Variants in SLA observed in about 807,000 individuals in gnomAD.
SLA encodes the protein Src like adaptor, also known as src-like-adapter.
SLA carries 16 observed loss-of-function variants against 30.3 expected under a neutral mutation model. The observed-to-expected ratio is 0.53, with a 90% CI of 0.36 to 0.80. The LOEUF (loss-of-function observed/expected upper bound fraction) is 0.80, where lower values mean the gene tolerates loss of function less well. Among genes scored for constraint, SLA ranks in the 30% least tolerant of loss-of-function variants. The probability of loss-of-function intolerance (pLI) is 0.01; values close to 1 mark genes in which losing one functional copy is unlikely to be tolerated. For missense variants in SLA, 310 were observed against 345.2 expected (o/e 0.90, Z 0.81); for synonymous variants, 143 against 137.8 (o/e 1.04, Z -0.26).
chr8:133,070,538 G>C (rs2702993), intron 2 of SLA, among the ~76,000 whole-genome samples: 1 of 152,046 alleles, frequency 6.6e-6, no homozygotes, highest in East Asian at 1.9e-4. Context: ...GCTCAGGGTC[G>C]TACAGCTAGC....
intron 2 of SLA, among the ~76,000 whole-genome samples, chr8:133,071,439 T>C (rs938032666): frequency 1.3e-5 from 2 of 152,180 alleles, no homozygotes; most frequent in East Asian, 1.9e-4. Flanking sequence ...AGAGCTCTCC[T>C]TTTTTCTGGC....
chr8:133,045,194 T>C, intron 6 of SLA, 79 bp from the exon 7 acceptor site: 1 of 1,525,994 alleles, frequency 6.6e-7, no homozygotes, highest in African/African-American at 1.4e-5. Flanking sequence ...CCACCACCAC[T>C]GAGGCAGGGA....
intron 3 of SLA, among the ~76,000 whole-genome samples, chr8:133,057,157 G>T (rs1841585631): frequency 1.3e-5 from 2 of 151,302 alleles, no homozygotes; most frequent in African/African-American, 4.9e-5. Flanking sequence ...GACAGAAAGG[G>T]GTCTGTGCTG....
intron 5 of SLA, 89 bp downstream of exon 5, chr8:133,049,813 C>A (rs1308539449): frequency 5.2e-5 from 48 of 920,552 alleles, no homozygotes; most frequent in Non-Finnish European, 7.4e-5. Context: ...CCTTCCTTAC[C>A]ACTATGAATG....
At position 133,066,239 on chromosome 8, in the gene SLA, C is replaced by T. The variant is rs376384497; in HGVS notation, c.-40-6039G>A. Among the ~76,000 whole-genome samples the T allele has an allele frequency of 5.8e-4, 85 of 147,198 alleles. No individual in the cohort carries two copies. The East Asian group carries it at 0.014, about 24-fold the overall frequency. ...TACTTGGGAGGCTGAGGCAAGAGAA[C>T]GGCGTGAACCCAGAAGGCAGAGCTT... is the stretch of plus-strand genomic sequence containing the variant. On this transcript the variant is annotated intron_variant, in intron 2 of 8. Transcript: ENST00000338087.
intron 1 of SLA, among the ~76,000 whole-genome samples, chr8:133,100,383 C>A (rs1385565812): frequency 2.6e-5 from 4 of 152,158 alleles, no homozygotes; most frequent in Non-Finnish European, 5.9e-5. Context: ...GTCTTTCTTC[C>A]CCAACTAGAA....
chr8:133,097,659 A>C (rs1171548253), intron 1 of SLA, among the ~76,000 whole-genome samples: 1 of 152,240 alleles, frequency 6.6e-6, no homozygotes, highest in Non-Finnish European at 1.5e-5. Context: ...GTTTTTCTGC[A>C]TAGAAGGATA....
intron 2 of SLA, chr8:133,072,760 A>G (rs1410674282): frequency 6.6e-6 from 1 of 152,218 alleles, no homozygotes; most frequent in Non-Finnish European, 1.5e-5. Flanking sequence ...AGAATGGGGA[A>G]GTTTTCTTCT....
chr8:133,040,207 C>CT, intron 7 of SLA, 77 bp from the exon 8 acceptor site: 3 of 1,474,754 alleles, frequency 2.0e-6, no homozygotes, highest in Non-Finnish European at 2.8e-6. Flanking sequence ...CTGAGACACT[C>CT]TCCAGTGCAG....
At chr8:133,039,534 T>C (rs1348488096) in intron 8 of SLA, among the ~76,000 whole-genome samples, 4 of 152,094 alleles carry the variant, frequency 2.6e-5, no homozygotes, top group South Asian at 2.1e-4. Context: ...AGGCTGACAA[T>C]GGAATAAACA....
intron 1 of SLA, among the ~76,000 whole-genome samples, chr8:133,083,490 A>G (rs1238514437): frequency 2.0e-5 from 3 of 152,196 alleles, no homozygotes; most frequent in African/African-American, 7.2e-5. Context: ...ACAGCTGGTT[A>G]GAGGGGGTGT....
intron 7 of SLA, among the ~76,000 whole-genome samples, chr8:133,042,547 G>C (rs2131107762): frequency 6.6e-6 from 1 of 151,834 alleles, no homozygotes; most frequent in South Asian, 2.1e-4. Flanking sequence ...TAATCCCCAT[G>C]TTGTAAGTAA....
intron 1 of SLA, among the ~76,000 whole-genome samples, chr8:133,087,071 T>TACACACACACACACAC (rs56028043): frequency 2.1e-5 from 3 of 143,136 alleles, no homozygotes; most frequent in African/African-American, 7.9e-5. Context: ...AATATATGTT[T>TACACACACACACACAC]ACACACACAC....
intron 3 of SLA, among the ~76,000 whole-genome samples, chr8:133,054,856 C>G (rs934933299): frequency 6.6e-6 from 1 of 152,162 alleles, no homozygotes; most frequent in African/African-American, 2.4e-5. Flanking sequence ...AGGACGGGCC[C>G]TTTTGTAAAC....
chr8:133,042,806 G>T (rs1173787967), intron 7 of SLA, among the ~76,000 whole-genome samples: 1 of 144,290 alleles, frequency 6.9e-6, no homozygotes, highest in East Asian at 2.1e-4. Context: ...TGATTCCCCT[G>T]CCTCAGCCTT....
intron 5 of SLA, 37 bp downstream of exon 5, chr8:133,049,865 T>C (rs1410401871): frequency 7.8e-7 from 1 of 1,281,894 alleles, no homozygotes; most frequent in East Asian, 2.3e-5. Context: ...AGCATACGCA[T>C]CATGCTTAAT....
At chr8:133,057,297 G>A (rs1052196882) in intron 3 of SLA, among the ~76,000 whole-genome samples, 5 of 152,110 alleles carry the variant, frequency 3.3e-5, no homozygotes, top group Non-Finnish European at 7.3e-5. Context: ...ACCACAGCGG[G>A]ACTTCCCTAG....
At chr8:133,079,397 T>G (rs939801031) in intron 1 of SLA, among the ~76,000 whole-genome samples, 3 of 152,238 alleles carry the variant, frequency 2.0e-5, no homozygotes, top group African/African-American at 2.4e-5. Flanking sequence ...ATCACCTTAT[T>G]AAAGTGAAAT....
intron 1 of SLA, among the ~76,000 whole-genome samples, chr8:133,080,519 G>A (rs1845587247): frequency 6.6e-6 from 1 of 152,048 alleles, no homozygotes. Context: ...TCCTCTTTCA[G>A]CCCTGTGTTT....
Sources: gnomAD v4.1 joint callset for allele counts (sites outside exome capture counted in the v4.1 genomes callset) on GRCh38, gnomAD v4.1.1 for gene constraint, MANE v1.5 for transcripts, NCBI Gene and HGNC (gene_info 2026-07-23, HGNC 2026-07-21) for gene names.